The following GADL1 variants were observed in gnomAD, a reference collection of about 807,000 sequenced individuals.
GADL1 encodes GAD like acidic amino acid decarboxylase 1.
In GADL1, 71 loss-of-function variants were observed where a neutral mutation model predicts 69.5. The ratio of observed to expected loss-of-function variants is 1.02; its 90% CI spans 0.84 to 1.25. GADL1 has a LOEUF of 1.25. Ranked by LOEUF, GADL1 falls within the 50% of genes most tolerant of loss-of-function variation. The pLI is 0.00. For synonymous variants in GADL1, 254 were observed against 214.4 expected (o/e 1.18, Z -1.62); for missense variants, 737 against 631.8 (o/e 1.17, Z -1.79).
intron 14 of GADL1, among the ~76,000 whole-genome samples, chr3:30,751,666 C>A (rs910527931): frequency 6.6e-6 from 1 of 152,084 alleles, no homozygotes; most frequent in Non-Finnish European, 1.5e-5. Context: ...TCCCTATAAG[C>A]CCACCCCTTC....
At chr3:30,863,078 C>T (rs921338616) in intron 1 of GADL1, among the ~76,000 whole-genome samples, 1 of 150,948 alleles carries the variant, frequency 6.6e-6, no homozygotes, top group African/African-American at 2.4e-5. Flanking sequence ...CACACACTCA[C>T]TCTCTCTCTC....
At chr3:30,848,644 C>T (rs554357537) in intron 6 of GADL1, among the ~76,000 whole-genome samples, 2 of 152,170 alleles carry the variant, frequency 1.3e-5, no homozygotes, top group South Asian at 4.2e-4. Context: ...ACTAGAATCA[C>T]ACAAGAATAG....
At position 30,726,559 on chromosome 3, in the gene GADL1, T is replaced by C. The variant is rs1487472437; in HGVS notation, c.*1683A>G. The C allele has an allele frequency of 2.0e-5, 3 of 151,966 alleles. No homozygotes were observed. The highest frequency in any genetic ancestry group is 2.0e-4 in the Admixed American group (3 of 15,224). 9.4% of individuals were successfully genotyped at this position (151,966 alleles called of 1,614,324 possible). ...AGTAATTCAGAGACAGATTTAATAT[T>C]CTTTGACCAATAGAGATACCGAGAA... On this transcript the variant is annotated 3_prime_UTR_variant, in exon 15 of 15. Coordinates refer to ENST00000282538, the MANE Select transcript of GADL1 (RefSeq NM_207359.3).
intron 13 of GADL1, among the ~76,000 whole-genome samples, chr3:30,785,358 A>G (rs140172433): frequency 2.0e-5 from 3 of 150,400 alleles, no homozygotes; most frequent in African/African-American, 7.4e-5. Context: ...TTGAATAAAT[A>G]CCAAAAAAGC....
At chr3:30,769,737 G>A (rs936828675) in intron 14 of GADL1, among the ~76,000 whole-genome samples, 21 of 152,270 alleles carry the variant, frequency 1.4e-4, no homozygotes, top group African/African-American at 3.8e-4. Flanking sequence ...CAAGGTCACC[G>A]TCCTTAAAAC....
At chr3:30,753,292 T>C (rs912637439) in intron 14 of GADL1, among the ~76,000 whole-genome samples, 9 of 151,788 alleles carry the variant, frequency 5.9e-5, no homozygotes, top group Admixed American at 2.6e-4. Flanking sequence ...TTTTCTGACA[T>C]TTATTCCTTT....
intron 4 of GADL1, among the ~76,000 whole-genome samples, chr3:30,852,946 A>T (rs1164952770): frequency 6.6e-6 from 1 of 152,168 alleles, no homozygotes; most frequent in Admixed American, 6.6e-5. Context: ...ATCTGCTGTC[A>T]TCACTCCATC....
chr3:30,843,473 G>C (rs1698003592), intron 8 of GADL1, among the ~76,000 whole-genome samples: 1 of 151,788 alleles, frequency 6.6e-6, no homozygotes, highest in Admixed American at 6.6e-5. Context: ...AGCCAGGATG[G>C]GCTAGATCTC....
chr3:30,813,807 A>G (rs1697406413), intron 11 of GADL1, among the ~76,000 whole-genome samples: 1 of 152,240 alleles, frequency 6.6e-6, no homozygotes, highest in Non-Finnish European at 1.5e-5. Context: ...CCTATTTAAA[A>G]CTATCCTTAA....
At chr3:30,754,859 G>C (rs1196570178) in intron 14 of GADL1, among the ~76,000 whole-genome samples, 2 of 120,228 alleles carry the variant, frequency 1.7e-5, no homozygotes, top group African/African-American at 7.0e-5. Flanking sequence ...GCAGGGCACT[G>C]ATTTTTTTTC....
chr3:30,868,263 T>C (rs1180036695), intron 1 of GADL1, among the ~76,000 whole-genome samples: 1 of 152,076 alleles, frequency 6.6e-6, no homozygotes, highest in Non-Finnish European at 1.5e-5. Context: ...TTTCAGTGGT[T>C]TCCGATAGTC....
chr3:30,764,690 AGAATTGTTAACTCACATGATAGACAT>A (rs1178516593), intron 14 of GADL1, among the ~76,000 whole-genome samples: 1 of 152,220 alleles, frequency 6.6e-6, no homozygotes, highest in Non-Finnish European at 1.5e-5. Context: ...CTTACACTTA[AGAATTGTTAACTCACATGATAGACAT>A]GATTAGTACC....
intron 14 of GADL1, among the ~76,000 whole-genome samples, chr3:30,775,570 G>T (rs1207289586): frequency 7.0e-6 from 1 of 142,398 alleles, no homozygotes; most frequent in African/African-American, 3.1e-5. Context: ...TCTGCAGCAT[G>T]CATTTTTTCT....
At chr3:30,870,322 G>C (rs1338716792) in intron 1 of GADL1, among the ~76,000 whole-genome samples, 1 of 151,780 alleles carries the variant, frequency 6.6e-6, no homozygotes, top group African/African-American at 2.4e-5. Flanking sequence ...AGGAGAGCCA[G>C]ACACGAAAGA....
intron 14 of GADL1, among the ~76,000 whole-genome samples, chr3:30,756,731 C>T (rs1409651656): frequency 6.6e-6 from 1 of 152,268 alleles, no homozygotes; most frequent in East Asian, 1.9e-4. Context: ...CAGATGAGGC[C>T]ATCCTTGTCC....
At chr3:30,778,874 T>G (rs1696596013) in intron 13 of GADL1, 1 of 152,236 alleles carries the variant, frequency 6.6e-6, no homozygotes, top group African/African-American at 2.4e-5. Flanking sequence ...AAAATGTAGA[T>G]TCTCATAGGA....
chr3:30,778,128 A>G (rs1559497046), intron 14 of GADL1, 51 bp downstream of exon 14: 5 of 995,244 alleles, frequency 5.0e-6, no homozygotes, highest in Non-Finnish European at 8.1e-6. Context: ...CAGATAATGT[A>G]CACTGAATCT....
chr3:30,839,171 A>G, intron 8 of GADL1, 58 bp from the exon 9 acceptor site: 1 of 1,123,594 alleles, frequency 8.9e-7, no homozygotes, highest in Non-Finnish European at 1.2e-6. Context: ...TTTGTCCTGT[A>G]ATAGCTGGAA....
chr3:30,853,742 T>A (rs1475911054), intron 4 of GADL1, among the ~76,000 whole-genome samples: 1 of 152,100 alleles, frequency 6.6e-6, no homozygotes, highest in African/African-American at 2.4e-5. Flanking sequence ...GTGTATCCCA[T>A]CCTTTCTGTT....
Sources: gnomAD v4.1 joint callset for allele counts (sites outside exome capture counted in the v4.1 genomes callset) on GRCh38, gnomAD v4.1.1 for gene constraint, MANE v1.5 for transcripts, NCBI Gene and HGNC (gene_info 2026-07-23, HGNC 2026-07-21) for gene names.